The following JAZF1 variants were observed in gnomAD, a reference collection of about 807,000 sequenced individuals.
JAZF1 encodes the protein juxtaposed with another zinc finger protein 1.
In JAZF1, 8 loss-of-function variants were observed where a neutral mutation model predicts 26.4. The ratio of observed to expected loss-of-function variants is 0.30; its 90% CI spans 0.18 to 0.55. JAZF1 has a LOEUF of 0.55. Among genes scored for constraint, JAZF1 ranks in the 20% least tolerant of loss-of-function variants. The pLI is 0.94. For missense variants in JAZF1, 199 were observed against 322.0 expected, an observed-to-expected ratio of 0.62 and a Z score of 2.92; for synonymous variants, 126 against 122.3, an observed-to-expected ratio of 1.03 and a Z score of -0.20.
At chr7:27,953,322 C>T (rs753478316) in intron 2 of JAZF1, among the ~76,000 whole-genome samples, 1 of 152,126 alleles carries the variant, frequency 6.6e-6, no homozygotes, top group Non-Finnish European at 1.5e-5. Context: ...TAAAAATAGT[C>T]CAAACCCAAT....
intron 2 of JAZF1, among the ~76,000 whole-genome samples, chr7:27,911,791 G>A (rs774449910): frequency 2.0e-5 from 3 of 152,060 alleles, no homozygotes; most frequent in South Asian, 2.1e-4. Context: ...AAAACTAAGG[G>A]AGCAAGCAGG....
chr7:28,179,678 C>T (rs1051575695), intron 1 of JAZF1, among the ~76,000 whole-genome samples: 24 of 148,728 alleles, frequency 1.6e-4, no homozygotes, highest in Non-Finnish European at 3.0e-4. Flanking sequence ...CCCGGGCGTC[C>T]GCGCCAGGCC....
intron 1 of JAZF1, among the ~76,000 whole-genome samples, chr7:28,079,993 G>A (rs1784110041): frequency 6.6e-6 from 1 of 151,462 alleles, no homozygotes; most frequent in Non-Finnish European, 1.5e-5. Flanking sequence ...CTATACTGTA[G>A]TCTATAAAGT....
intron 2 of JAZF1, among the ~76,000 whole-genome samples, chr7:27,987,599 G>A (rs13232328): frequency 3.8e-4 from 57 of 149,400 alleles, no homozygotes; most frequent in African/African-American, 6.7e-4. Flanking sequence ...CAGCCGCCCC[G>A]TCCGGGAGGG....
intron 1 of JAZF1, among the ~76,000 whole-genome samples, chr7:28,122,604 G>GC (rs1186487494): frequency 1.3e-5 from 2 of 152,256 alleles, no homozygotes; most frequent in African/African-American, 4.8e-5. Flanking sequence ...AACCAGCTGG[G>GC]CCTGAGATGT....
At chr7:27,929,393 TGGA>T (rs1471922009) in intron 2 of JAZF1, among the ~76,000 whole-genome samples, 3 of 152,144 alleles carry the variant, frequency 2.0e-5, no homozygotes, top group Admixed American at 2.0e-4. Context: ...AGCAGACCTG[TGGA>T]GGAGATCCAG....
intron 2 of JAZF1, among the ~76,000 whole-genome samples, chr7:27,940,561 TG>T (rs1479058563): frequency 1.3e-5 from 2 of 152,224 alleles, no homozygotes; most frequent in African/African-American, 4.8e-5. Flanking sequence ...ATGATGCTGC[TG>T]ATTTGGCTGA....
Position 28,127,407 on chromosome 7 carries a change from T to C in JAZF1, c.115+53056A>G, listed in dbSNP as rs111930220. ...TCAAGTGGCCTAGCATGGACCTGCATTGGGAATGGTGACAATGTCAAGGTA... is the reference window on the plus strand; with the variant it reads ...TCAAGTGGCCTAGCATGGACCTGCACTGGGAATGGTGACAATGTCAAGGTA... On this transcript the variant is annotated intron_variant, in intron 1 of 4. Transcript: ENST00000283928. Among the ~76,000 whole-genome samples, 610 of 152,136 alleles carry C rather than the reference T, an allele frequency of 4.0e-3. 7 individuals are homozygous for C. The highest frequency in any genetic ancestry group is 0.014 in the African/African-American group (578 of 41,490).
rs1260026345 is a variant in JAZF1, at chr7:27,843,941, T to TAA, written c.386-3075_386-3074insTT. 4 of 152,294 alleles carry TAA rather than the reference T, an allele frequency of 2.6e-5. No individual in the cohort carries two copies. The East Asian group carries it at 7.7e-4, about 29-fold the overall frequency. The allele number at this position is 152,294 out of a possible 1,614,324, so 9.4% of individuals were successfully genotyped here. The stretch of plus-strand genomic sequence containing the variant: ...TGCTATGTGAGCTGTTTATCTCATT[T>TAA]ACTGTTGCCTTGCTCTCTCTTGAGA... On this transcript the variant is annotated intron_variant, in intron 3 of 4. Coordinates refer to ENST00000283928, the MANE Select transcript of JAZF1 (RefSeq NM_175061.4).
At chr7:28,125,126 T>C in intron 1 of JAZF1, among the ~76,000 whole-genome samples, 1 of 149,260 alleles carries the variant, frequency 6.7e-6, no homozygotes, top group Admixed American at 6.7e-5. Context: ...GAAGGTGCAA[T>C]TATGGAACAG....
intron 3 of JAZF1, among the ~76,000 whole-genome samples, chr7:27,869,222 G>A (rs1771827147): frequency 6.6e-6 from 1 of 152,146 alleles, no homozygotes; most frequent in African/African-American, 2.4e-5. Context: ...GAACAGTCAT[G>A]GCCTAATAAA....
Position 28,026,845 on chromosome 7 carries a change from C to T in JAZF1, c.116-34864G>A, listed in dbSNP as rs187916145. 1.5e-4 allele frequency among the ~76,000 whole-genome samples: 23 copies of T among 152,304 alleles called. No individual in the cohort carries two copies. In the East Asian group the frequency reaches 3.9e-3, roughly 26 times the overall value. On this transcript the variant is annotated intron_variant, in intron 1 of 4. Coordinates refer to ENST00000283928, the MANE Select transcript of JAZF1 (RefSeq NM_175061.4). ...TACTGGTGAGTGGTCAGGAGATGTC[C>T]GCAGAATGGCTTATGCCACAGAACT...
At chr7:27,943,388 G>A (rs1784877874) in intron 2 of JAZF1, among the ~76,000 whole-genome samples, 1 of 152,080 alleles carries the variant, frequency 6.6e-6, no homozygotes, top group Non-Finnish European at 1.5e-5. Flanking sequence ...CGCCTCCGCT[G>A]CTAGCTGGAG....
In JAZF1 at chr7:28,002,819, C is replaced by G. The variant is rs905296589; in HGVS notation, c.116-10838G>C. On this transcript the variant is annotated intron_variant, in intron 1 of 4. Transcript: ENST00000283928. ...ACCACACTTCCCAGCATTCCTTGAGCCAGGTGCATTCATGTGACTAAGTCT... is the reference window on the plus strand; with the variant it reads ...ACCACACTTCCCAGCATTCCTTGAGGCAGGTGCATTCATGTGACTAAGTCT... Among the ~76,000 whole-genome samples the G allele has an allele frequency of 3.9e-5, 6 of 152,174 alleles. No homozygotes were observed. The South Asian group carries it at 1.0e-3, about 26-fold the overall frequency.
intron 2 of JAZF1, among the ~76,000 whole-genome samples, chr7:27,901,901 T>C (rs1310783714): frequency 6.6e-6 from 1 of 152,226 alleles, no homozygotes; most frequent in Non-Finnish European, 1.5e-5. Context: ...TGCAGTATTT[T>C]TCAAACTTTG....
intron 3 of JAZF1, chr7:27,844,561 C>G (rs1782984110): frequency 6.6e-6 from 1 of 152,042 alleles, no homozygotes; most frequent in Admixed American, 6.6e-5. Context: ...AGCACTGCCC[C>G]GACTATGAAT....
intron 2 of JAZF1, among the ~76,000 whole-genome samples, chr7:27,932,806 C>G (rs1784704960): frequency 6.6e-6 from 1 of 152,180 alleles, no homozygotes; most frequent in South Asian, 2.1e-4. Flanking sequence ...TGTGTGGTGA[C>G]TGGATAGGCT....
intron 3 of JAZF1, among the ~76,000 whole-genome samples, chr7:27,885,960 A>C (rs1783854666): frequency 6.6e-6 from 1 of 152,170 alleles, no homozygotes; most frequent in South Asian, 2.1e-4. Flanking sequence ...CATGTGCTAT[A>C]TAGCTATTTC....
chr7:28,071,821 T>C, intron 1 of JAZF1: 1 of 318,824 alleles, frequency 3.1e-6, no homozygotes, highest in Admixed American at 4.7e-5. Context: ...CTGCTCGGGT[T>C]CAGGAGAGAT....
Sources: allele counts gnomAD v4.1 joint callset (sites outside exome capture counted in the v4.1 genomes callset), GRCh38; gene constraint gnomAD v4.1.1; transcripts MANE v1.5; gene names NCBI Gene and HGNC (gene_info 2026-07-23, HGNC 2026-07-21).